The following DIAPH3 variants were observed in gnomAD, a reference collection of about 807,000 sequenced individuals.
DIAPH3 encodes the protein protein diaphanous homolog 3.
Under a neutral mutation model 144.3 loss-of-function variants are expected in DIAPH3, and 117 were observed. The ratio of observed to expected loss-of-function variants is 0.81; its 90% CI spans 0.70 to 0.95. The LOEUF is 0.95. DIAPH3 is among the 40% of genes least tolerant of loss of function. The probability of loss-of-function intolerance (pLI) is 0.00; values close to 1 mark genes in which losing one functional copy is unlikely to be tolerated. For synonymous variants in DIAPH3, 519 were observed against 488.9 expected, an observed-to-expected ratio of 1.06 and a Z score of -0.81; for missense variants, 1,421 against 1,412.7, an observed-to-expected ratio of 1.01 and a Z score of -0.09.
At chr13:59,766,631 C>T (rs925237843) in intron 27 of DIAPH3, among the ~76,000 whole-genome samples, 2 of 152,128 alleles carry the variant, frequency 1.3e-5, no homozygotes, top group African/African-American at 4.8e-5. Context: ...TAAGTCTTAG[C>T]CCCACACCTC....
At chr13:60,104,163 A>T (rs2058347215) in intron 3 of DIAPH3, among the ~76,000 whole-genome samples, 1 of 152,234 alleles carries the variant, frequency 6.6e-6, no homozygotes. Flanking sequence ...TCTATATTCA[A>T]GATGTCTATA....
intron 20 of DIAPH3, among the ~76,000 whole-genome samples, chr13:59,901,152 C>G (rs2046405558): frequency 6.6e-6 from 1 of 152,192 alleles, no homozygotes; most frequent in Admixed American, 6.5e-5. Context: ...ATATAGCTGC[C>G]AGCATAACAC....
chr13:60,081,811 C>A (rs2057568007), intron 4 of DIAPH3, among the ~76,000 whole-genome samples: 1 of 151,874 alleles, frequency 6.6e-6, no homozygotes, highest in Non-Finnish European at 1.5e-5. Flanking sequence ...CTCAGTAGAC[C>A]AATTTGAAAG....
intron 25 of DIAPH3, among the ~76,000 whole-genome samples, chr13:59,782,937 T>C (rs1010576254): frequency 9.9e-5 from 15 of 152,152 alleles, no homozygotes; most frequent in Admixed American, 3.3e-4. Context: ...GGGGTAACGC[T>C]GCGAGGTGAA....
chr13:60,015,254 C>T (rs1411856887), intron 7 of DIAPH3, among the ~76,000 whole-genome samples: 1 of 152,104 alleles, frequency 6.6e-6, no homozygotes, highest in South Asian at 2.1e-4. Context: ...GCCTCGGCAT[C>T]CCAAAGCGGT....
intron 27 of DIAPH3, among the ~76,000 whole-genome samples, chr13:59,683,446 G>A (rs1006282895): frequency 6.6e-5 from 10 of 152,252 alleles, no homozygotes; most frequent in South Asian, 6.2e-4. Flanking sequence ...AGCAGATGAT[G>A]AATGAAGGGA....
intron 27 of DIAPH3, among the ~76,000 whole-genome samples, chr13:59,673,232 A>G (rs1163717771): frequency 6.6e-6 from 1 of 152,146 alleles, no homozygotes; most frequent in East Asian, 1.9e-4. Context: ...ACTCTTTTCC[A>G]TATCTGCTTT....
intron 12 of DIAPH3, among the ~76,000 whole-genome samples, chr13:59,984,344 A>G (rs1432603123): frequency 2.0e-5 from 3 of 151,782 alleles, no homozygotes; most frequent in Non-Finnish European, 4.4e-5. Context: ...TTGTGAAATC[A>G]AATTTAAAAC....
intron 5 of DIAPH3, among the ~76,000 whole-genome samples, chr13:60,040,306 C>T (rs1385511706): frequency 6.7e-6 from 1 of 149,674 alleles, no homozygotes; most frequent in Non-Finnish European, 1.5e-5. Context: ...AAAAAATTCT[C>T]CAATGATATT....
In DIAPH3 at chr13:59,762,052, C is replaced by CTTTT. The variant is rs35387511; in HGVS notation, c.3319+12133_3319+12136dup. Among the ~76,000 whole-genome samples, 31 of 59,520 alleles carry CTTTT rather than the reference C, an allele frequency of 5.2e-4. 1 individual carries two copies. The highest frequency in any genetic ancestry group is 1.0e-3 in the East Asian group (2 of 1,946). 39.0% of individuals were successfully genotyped at this position (59,520 alleles called of 152,430 possible). A position where few individuals can be genotyped will look rare whatever the true frequency, so the allele number is the denominator to read the frequency against. On this transcript the variant is annotated intron_variant, in intron 27 of 27. Transcript: ENST00000400324. ...GCACCCAAGATGAAAGCGTCAGCAT[C>CTTTT]TTTTTTTTTTTTTTTTTTTTTTTTT...
intron 1 of DIAPH3, among the ~76,000 whole-genome samples, chr13:60,153,745 C>T (rs1206643159): frequency 1.3e-5 from 2 of 151,984 alleles, no homozygotes; most frequent in African/African-American, 2.4e-5. Context: ...AGTTTTATAG[C>T]TGTAAAAAGT....
intron 2 of DIAPH3, among the ~76,000 whole-genome samples, chr13:60,119,836 A>G (rs2058801150): frequency 6.6e-6 from 1 of 151,998 alleles, no homozygotes. Flanking sequence ...ATACCAACAG[A>G]TAACGATTAT....
At chr13:59,762,650 T>C (rs2037663455) in intron 27 of DIAPH3, among the ~76,000 whole-genome samples, 1 of 151,964 alleles carries the variant, frequency 6.6e-6, no homozygotes, top group African/African-American at 2.4e-5. Context: ...ATTATGGTGG[T>C]CTAAAATCGT....
intron 4 of DIAPH3, among the ~76,000 whole-genome samples, chr13:60,086,746 C>T (rs1464602281): frequency 1.3e-5 from 2 of 152,126 alleles, no homozygotes; most frequent in Non-Finnish European, 2.9e-5. Flanking sequence ...TTACTTGTAA[C>T]TGACAATGTT....
At chr13:60,146,668 T>A (rs1951537357) in intron 1 of DIAPH3, among the ~76,000 whole-genome samples, 1 of 152,224 alleles carries the variant, frequency 6.6e-6, no homozygotes, top group African/African-American at 2.4e-5. Context: ...CTCAAGCAAC[T>A]GCAGCCTAAC....
At chr13:59,890,486 T>C (rs1388024823) in intron 20 of DIAPH3, among the ~76,000 whole-genome samples, 3 of 151,984 alleles carry the variant, frequency 2.0e-5, no homozygotes, top group Non-Finnish European at 4.4e-5. Context: ...GCAGTTTATA[T>C]ATGTTTTGTT....
At chr13:59,774,917 A>G (rs1438804904) in intron 25 of DIAPH3, 94 bp from the exon 26 acceptor site, 6 of 1,031,036 alleles carry the variant, frequency 5.8e-6, no homozygotes, top group African/African-American at 3.1e-5. Context: ...GATGGTAGGG[A>G]GAAAAAAGAT....
chr13:60,003,251 C>T (rs1418590657), intron 9 of DIAPH3, among the ~76,000 whole-genome samples: 1 of 151,996 alleles, frequency 6.6e-6, no homozygotes, highest in African/African-American at 2.4e-5. Flanking sequence ...CACATGATTC[C>T]CTGGGCCTAC....
chr13:59,786,846 C>T (rs555160756), intron 25 of DIAPH3, among the ~76,000 whole-genome samples: 4 of 152,010 alleles, frequency 2.6e-5, no homozygotes, highest in African/African-American at 4.8e-5. Context: ...TTGTGGCTTA[C>T]GCCTGTAATC....
Sources: gnomAD v4.1 joint callset for allele counts (sites outside exome capture counted in the v4.1 genomes callset) on GRCh38, gnomAD v4.1.1 for gene constraint, MANE v1.5 for transcripts, NCBI Gene and HGNC (gene_info 2026-07-23, HGNC 2026-07-21) for gene names.